SLAIN2: variants seen among roughly 807,000 people sequenced by gnomAD.
The protein encoded by SLAIN2 is SLAIN family member 2.
A neutral mutation model predicts 56.6 loss-of-function variants in SLAIN2; 31 were observed. The observed-to-expected ratio is 0.55, with a 90% CI of 0.41 to 0.74. The LOEUF (loss-of-function observed/expected upper bound fraction) is 0.74, where lower values mean the gene tolerates loss of function less well. Ranked by LOEUF, SLAIN2 falls within the 30% of genes least tolerant of loss-of-function variation. SLAIN2 has a pLI of 0.00. For synonymous variants in SLAIN2, 317 were observed against 284.9 expected (o/e 1.11, Z -1.13); for missense variants, 777 against 754.2 (o/e 1.03, Z -0.35).
At chr4:48,409,941 A>G (rs1471209802) in intron 6 of SLAIN2, among the ~76,000 whole-genome samples, 6 of 152,204 alleles carry the variant, frequency 3.9e-5, no homozygotes, top group Non-Finnish European at 8.8e-5. Flanking sequence ...ACATGGACAG[A>G]CATGTTTTAG....
intron 6 of SLAIN2, among the ~76,000 whole-genome samples, chr4:48,403,257 T>TGGG (rs1195830186): frequency 6.6e-6 from 1 of 152,140 alleles, no homozygotes; most frequent in African/African-American, 2.4e-5. Flanking sequence ...TGTGGTGCTC[T>TGGG]GGGGGGATCC....
At chr4:48,358,424 A>G (rs923091388) in intron 1 of SLAIN2, among the ~76,000 whole-genome samples, 7 of 151,870 alleles carry the variant, frequency 4.6e-5, no homozygotes, top group Admixed American at 1.3e-4. Context: ...GGTTCAAGCA[A>G]TTCTCCTGCC....
chr4:48,401,746 A>C (rs543979035), intron 6 of SLAIN2, among the ~76,000 whole-genome samples: 1 of 152,254 alleles, frequency 6.6e-6, no homozygotes, highest in East Asian at 1.9e-4. Flanking sequence ...TGTGTCTTTT[A>C]ATTGAGGCAT....
chr4:48,363,903 C>T (rs1479690655), intron 1 of SLAIN2, among the ~76,000 whole-genome samples: 2 of 120,878 alleles, frequency 1.7e-5, no homozygotes, highest in East Asian at 5.1e-4. Flanking sequence ...TCCCGGACGG[C>T]ACGGCTGGCC....
Position 48,341,650 on chromosome 4 carries a change from G to C in SLAIN2, c.-90G>C. The C allele has an allele frequency of 1.4e-6, 2 of 1,474,878 alleles. No individual in the cohort carries two copies. The highest frequency in any genetic ancestry group is 1.8e-6 in the Non-Finnish European group (2 of 1,112,842). The allele number at this position is 1,474,878 out of a possible 1,614,324, so 91.4% of individuals were successfully genotyped here. A position where few individuals can be genotyped will look rare whatever the true frequency, so the allele number is the denominator to read the frequency against. ...TATATGCCGGCGCCTCGGCTAGAGT[G>C]AGCGGCGGCGACGCCTCTTTCCTCC... On this transcript the variant is annotated 5_prime_UTR_variant, in exon 1 of 8. The change abolishes the stop of an existing upstream ORF in the 5' untranslated region. Transcript: ENST00000264313.
intron 6 of SLAIN2, among the ~76,000 whole-genome samples, chr4:48,402,309 T>A (rs905502687): frequency 2.0e-5 from 3 of 152,132 alleles, no homozygotes; most frequent in Non-Finnish European, 4.4e-5. Flanking sequence ...TTTCCTGAAT[T>A]TGATTATTGA....
chr4:48,385,883 C>T (rs974091488), intron 6 of SLAIN2, among the ~76,000 whole-genome samples: 1 of 151,794 alleles, frequency 6.6e-6, no homozygotes, highest in Non-Finnish European at 1.5e-5. Flanking sequence ...CAAAAATCAA[C>T]AGGCTAGCAG....
At chr4:48,370,384 A>AT (rs1294687913) in intron 2 of SLAIN2, among the ~76,000 whole-genome samples, 2 of 152,164 alleles carry the variant, frequency 1.3e-5, no homozygotes, top group Non-Finnish European at 2.9e-5. Context: ...AGCTACAGAG[A>AT]CCTTGTTCTC....
At chr4:48,419,109 CT>C (rs71191227) in intron 6 of SLAIN2, among the ~76,000 whole-genome samples, 70 of 147,186 alleles carry the variant, frequency 4.8e-4, no homozygotes, top group Non-Finnish European at 6.4e-4. Flanking sequence ...TTCTGTTTTC[CT>C]TTTTTTTTTT....
At chr4:48,392,543 A>G (rs1716263249) in intron 6 of SLAIN2, among the ~76,000 whole-genome samples, 1 of 152,158 alleles carries the variant, frequency 6.6e-6, no homozygotes, top group South Asian at 2.1e-4. Context: ...TATTCCACCC[A>G]ACAACTGGCC....
At chr4:48,350,042 T>TAC (rs1714971132) in intron 1 of SLAIN2, among the ~76,000 whole-genome samples, 1 of 152,264 alleles carries the variant, frequency 6.6e-6, no homozygotes, top group Non-Finnish European at 1.5e-5. Context: ...TTCTTAACTT[T>TAC]ACACTTAAAA....
chr4:48,419,287 G>A (rs1486248202), intron 6 of SLAIN2, among the ~76,000 whole-genome samples: 4 of 152,110 alleles, frequency 2.6e-5, no homozygotes, highest in Non-Finnish European at 5.9e-5. Context: ...ATTTTTAGTA[G>A]AGATGGGTTT....
At chr4:48,421,238 T>G (rs1485888037) in intron 7 of SLAIN2, among the ~76,000 whole-genome samples, 1 of 151,998 alleles carries the variant, frequency 6.6e-6, no homozygotes, top group East Asian at 1.9e-4. Context: ...AGCTCCTGAG[T>G]TCAAGTGATC....
chr4:48,418,073 ATTTC>A (rs1287688577), intron 6 of SLAIN2, among the ~76,000 whole-genome samples: 1 of 136,964 alleles, frequency 7.3e-6, no homozygotes, highest in Non-Finnish European at 1.6e-5. Flanking sequence ...TTTTATTATT[ATTTC>A]TTCTTCTTCT....
At position 48,424,534 on chromosome 4, in the gene SLAIN2, A is replaced by G. The variant is rs1717248861; in HGVS notation, c.*2457A>G. On this transcript the variant is annotated 3_prime_UTR_variant, in exon 8 of 8. Coordinates refer to ENST00000264313, the MANE Select transcript of SLAIN2 (RefSeq NM_020846.2). ...TTAATTTTCTCAGTGTTTGAATGTTATTTTTTGTAAGTGTGTTAATAAAAG... is the reference window on the plus strand; with the variant it reads ...TTAATTTTCTCAGTGTTTGAATGTTGTTTTTTGTAAGTGTGTTAATAAAAG... 1 of 152,100 alleles carries G rather than the reference A, an allele frequency of 6.6e-6. No homozygotes were observed. Among genetic ancestry groups the G allele is most frequent in the Non-Finnish European group, 1.5e-5 (1 of 67,958 alleles). The allele number at this position is 152,100 out of a possible 1,614,324, so 9.4% of individuals were successfully genotyped here.
chr4:48,395,386 T>C (rs1716349200), intron 6 of SLAIN2, among the ~76,000 whole-genome samples: 1 of 151,224 alleles, frequency 6.6e-6, no homozygotes, highest in Admixed American at 6.6e-5. Context: ...AACCAAAATA[T>C]GTAACAGAGA....
At chr4:48,412,365 T>TACACAC (rs748099130) in intron 6 of SLAIN2, among the ~76,000 whole-genome samples, 1,712 of 112,824 alleles carry the variant, frequency 0.015, 40 homozygotes, top group African/African-American at 0.021. Context: ...TTTGTATATG[T>TACACAC]ACACACACAC....
chr4:48,365,338 C>T (rs558525127), intron 1 of SLAIN2, among the ~76,000 whole-genome samples: 4 of 143,524 alleles, frequency 2.8e-5, no homozygotes, highest in Non-Finnish European at 4.5e-5. Flanking sequence ...GGCGTGGTGG[C>T]GGGCACCTGT....
intron 6 of SLAIN2, among the ~76,000 whole-genome samples, chr4:48,390,496 T>A (rs1716211366): frequency 1.3e-5 from 2 of 152,192 alleles, no homozygotes; most frequent in Admixed American, 6.5e-5. Context: ...TTTAACATCC[T>A]CTTATATATG....
Sources: allele counts gnomAD v4.1 joint callset (sites outside exome capture counted in the v4.1 genomes callset), GRCh38; gene constraint gnomAD v4.1.1; transcripts MANE v1.5; gene names NCBI Gene and HGNC (gene_info 2026-07-23, HGNC 2026-07-21).